The following BTF3L4 variants were observed in gnomAD, a reference collection of about 807,000 sequenced individuals.
BTF3L4 encodes the protein basic transcription factor 3 like 4.
In BTF3L4, 6 loss-of-function variants were observed where a neutral mutation model predicts 16.8. The observed-to-expected ratio is 0.36, with a 90% confidence interval of 0.20 to 0.71. The LOEUF (loss-of-function observed/expected upper bound fraction) is 0.71, where lower values mean the gene tolerates loss of function less well. BTF3L4 is among the 30% of genes least tolerant of loss of function. The pLI is 0.58. For missense variants in BTF3L4, 92 were observed against 186.9 expected (o/e 0.49, Z 2.96); for synonymous variants, 39 against 59.8 (o/e 0.65, Z 1.60).
chr1:52,086,779 G>A lies in BTF3L4; in HGVS notation c.*21G>A, dbSNP rs569569537. 3.2e-6 allele frequency: 5 copies of A among 1,568,990 alleles called. No individual in the cohort carries two copies. In the African/African-American group the frequency reaches 5.4e-5, roughly 17 times the overall value. ...ACTAAAAGTTTGGTTTTTGGAAGCTGGCATGGACTAGATTTAACAAATCAG... is the reference window on the plus strand; with the variant it reads ...ACTAAAAGTTTGGTTTTTGGAAGCTAGCATGGACTAGATTTAACAAATCAG... On this transcript the variant is annotated 3_prime_UTR_variant, in exon 6 of 6. Coordinates refer to ENST00000313334, the MANE Select transcript of BTF3L4 (RefSeq NM_152265.5).
intron 3 of BTF3L4, among the ~76,000 whole-genome samples, chr1:52,067,803 T>C (rs1023005815): frequency 6.6e-6 from 1 of 152,174 alleles, no homozygotes; most frequent in South Asian, 2.1e-4. Flanking sequence ...CATTTTGAAC[T>C]CGATAATTCT....
chr1:52,071,138 TTTA>T (rs1686776209), intron 3 of BTF3L4: 2 of 152,346 alleles, frequency 1.3e-5, no homozygotes, highest in East Asian at 3.9e-4. Flanking sequence ...AAGGATCTGT[TTTA>T]TTTCTCAGAA....
At chr1:52,081,136 C>G (rs1419869816) in intron 3 of BTF3L4, among the ~76,000 whole-genome samples, 2 of 152,008 alleles carry the variant, frequency 1.3e-5, no homozygotes, top group East Asian at 3.9e-4. Context: ...CCGCGCCTGC[C>G]CTATTCTTTT....
At position 52,070,633 on chromosome 1, in the gene BTF3L4, C is replaced by CTT. The variant is rs35272382; in HGVS notation, c.168+5711_168+5712dup. On this transcript the variant is annotated intron_variant, in intron 3 of 5. Transcript: ENST00000313334. ...ATACAAAGGTCAAATAAATAACCAG[C>CTT]TTTTTTTTTTTTTTTTTGGTGGGGG... 7.6e-3 allele frequency among the ~76,000 whole-genome samples: 777 copies of CTT among 101,634 alleles called. 6 individuals carry two copies. Among genetic ancestry groups the CTT allele is most frequent in the African/African-American group, 0.026 (743 of 28,402 alleles). 66.7% of individuals were successfully genotyped at this position (101,634 alleles called of 152,430 possible).
At chr1:52,062,181 G>C (rs1486892198) in intron 2 of BTF3L4, among the ~76,000 whole-genome samples, 1 of 139,994 alleles carries the variant, frequency 7.1e-6, no homozygotes, top group Admixed American at 7.6e-5. Flanking sequence ...CTGACCTCGT[G>C]ATCGCCCGCC....
At chr1:52,071,034 A>G (rs1313826489) in intron 3 of BTF3L4, 1 of 152,114 alleles carries the variant, frequency 6.6e-6, no homozygotes, top group Non-Finnish European at 1.5e-5. Context: ...TAACATTTGA[A>G]AATATTTGAA....
intron 2 of BTF3L4, among the ~76,000 whole-genome samples, chr1:52,061,943 C>CT (rs540820790): frequency 0.042 from 5,765 of 137,718 alleles, 144 homozygotes; most frequent in South Asian, 0.074. Flanking sequence ...TGCCCGGCCT[C>CT]TTTTTTTTTT....
chr1:52,057,404 A>C (rs1237693617), intron 1 of BTF3L4, among the ~76,000 whole-genome samples: 1 of 152,224 alleles, frequency 6.6e-6, no homozygotes, highest in Non-Finnish European at 1.5e-5. Flanking sequence ...CTCATTAATC[A>C]TGTGGCTTTA....
Position 52,089,117 on chromosome 1 carries a change from A to G in BTF3L4, c.*2359A>G, listed in dbSNP as rs1015506352. ...CTGCTTCTGCATTTCTGTGAATCTC[A>G]TTTGAAATTTTTCAGGGAAGGGATT... On this transcript the variant is annotated 3_prime_UTR_variant, in exon 6 of 6. Transcript: ENST00000313334. The G allele has an allele frequency of 1.3e-5, 2 of 152,088 alleles. No individual in the cohort carries two copies. Among genetic ancestry groups the G allele is most frequent in the Non-Finnish European group, 2.9e-5 (2 of 68,016 alleles). The allele number at this position is 152,088 out of a possible 1,614,324, so 9.4% of individuals were successfully genotyped here.
chr1:52,072,780 G>A (rs1466326714), intron 3 of BTF3L4, among the ~76,000 whole-genome samples: 1 of 152,192 alleles, frequency 6.6e-6, no homozygotes, highest in East Asian at 1.9e-4. Context: ...TATATTGCCG[G>A]ATGAGTGCAG....
chr1:52,073,493 T>TACACACACACAC lies in BTF3L4; in HGVS notation c.168+8581_168+8592dup, dbSNP rs142147737. ...ATATATGCACTATATATATGCTACA[T>TACACACACACAC]ACACACACACACACACACACACACA... On this transcript the variant is annotated intron_variant, in intron 3 of 5. Coordinates refer to ENST00000313334, the MANE Select transcript of BTF3L4 (RefSeq NM_152265.5). Among the ~76,000 whole-genome samples the TACACACACACAC allele has an allele frequency of 4.9e-3, 687 of 139,334 alleles. 5 individuals are homozygous for TACACACACACAC. Among genetic ancestry groups the TACACACACACAC allele is most frequent in the African/African-American group, 0.017 (626 of 37,588 alleles). 91.4% of individuals were successfully genotyped at this position (139,334 alleles called of 152,430 possible).
intron 3 of BTF3L4, among the ~76,000 whole-genome samples, chr1:52,079,381 CA>C (rs11441352): frequency 1.7e-4 from 21 of 126,312 alleles, no homozygotes; most frequent in Middle Eastern, 3.8e-3. Flanking sequence ...GACTCCATCT[CA>C]AAAAAAAAAA....
chr1:52,088,257 G>A lies in BTF3L4; in HGVS notation c.*1499G>A, dbSNP rs1029336954. ...AGACCAACAATATATTAAGAGATCTGTAGACATGAAGGCAAAGCTCTTGTA... is the reference window on the plus strand; with the variant it reads ...AGACCAACAATATATTAAGAGATCTATAGACATGAAGGCAAAGCTCTTGTA... On this transcript the variant is annotated 3_prime_UTR_variant, in exon 6 of 6. Coordinates refer to ENST00000313334, the MANE Select transcript of BTF3L4 (RefSeq NM_152265.5). 6.6e-6 allele frequency: 1 copy of A among 152,482 alleles called. No individual in the cohort carries two copies. Among genetic ancestry groups the A allele is most frequent in the African/African-American group, 2.4e-5 (1 of 41,396 alleles). 9.4% of individuals were successfully genotyped at this position (152,482 alleles called of 1,614,324 possible). A position where few individuals can be genotyped will look rare whatever the true frequency, so the allele number is the denominator to read the frequency against.
At chr1:52,085,624 T>G (rs1572034004) in intron 4 of BTF3L4, among the ~76,000 whole-genome samples, 1 of 151,956 alleles carries the variant, frequency 6.6e-6, no homozygotes, top group African/African-American at 2.4e-5. Context: ...CCAAGGCAGG[T>G]GGATCCCTTG....
chr1:52,070,733 G>A (rs1686768404), intron 3 of BTF3L4, among the ~76,000 whole-genome samples: 1 of 148,702 alleles, frequency 6.7e-6, no homozygotes, highest in Non-Finnish European at 1.5e-5. Flanking sequence ...TGCCTCCTGG[G>A]TTCAAGCAAT....
rs188194939 is a variant in BTF3L4, at chr1:52,066,794, C to T, written c.168+1856C>T. 1.7e-3 allele frequency among the ~76,000 whole-genome samples: 260 copies of T among 151,074 alleles called. 1 individual carries two copies. Among genetic ancestry groups the T allele is most frequent in the Middle Eastern group, 7.1e-3 (2 of 280 alleles). ...CCAGGATGGGGAGCTTGCAGTGAGCCGAGACCACGCCACTGTACTCCAGTC... is the reference window on the plus strand; with the variant it reads ...CCAGGATGGGGAGCTTGCAGTGAGCTGAGACCACGCCACTGTACTCCAGTC... On this transcript the variant is annotated intron_variant, in intron 3 of 5. Transcript: ENST00000313334.
chr1:52,070,231 A>G (rs1686750622), intron 3 of BTF3L4, among the ~76,000 whole-genome samples: 2 of 151,842 alleles, frequency 1.3e-5, no homozygotes, highest in African/African-American at 4.8e-5. Context: ...AAAAAAAACT[A>G]AAAGACTATT....
intron 2 of BTF3L4, among the ~76,000 whole-genome samples, chr1:52,063,302 T>C (rs1231453755): frequency 6.6e-6 from 1 of 152,162 alleles, no homozygotes; most frequent in Non-Finnish European, 1.5e-5. Context: ...TTAAGACATA[T>C]TGAATTTGAG....
At chr1:52,075,624 A>G (rs1412542641) in intron 3 of BTF3L4, among the ~76,000 whole-genome samples, 9 of 147,662 alleles carry the variant, frequency 6.1e-5, no homozygotes, top group African/African-American at 2.0e-4. Context: ...ATGTAAATAA[A>G]TATTTTATAT....
Sources: gnomAD v4.1 joint callset for allele counts (sites outside exome capture counted in the v4.1 genomes callset) on GRCh38, gnomAD v4.1.1 for gene constraint, MANE v1.5 for transcripts, NCBI Gene and HGNC (gene_info 2026-07-23, HGNC 2026-07-21) for gene names.